The following MAP2 variants were observed in gnomAD, a reference collection of about 807,000 sequenced individuals.
MAP2 encodes the protein microtubule-associated protein 2.
Under a neutral mutation model 137.6 loss-of-function variants are expected in MAP2, and 14 were observed. The ratio of observed to expected loss-of-function variants is 0.10; its 90% confidence interval spans 0.07 to 0.16. The LOEUF (loss-of-function observed/expected upper bound fraction) is 0.16, where lower values mean the gene tolerates loss of function less well. Ranked by LOEUF, MAP2 falls within the 10% of genes least tolerant of loss-of-function variation. MAP2 has a pLI of 1.00. For synonymous variants in MAP2, 786 were observed against 782.3 expected (o/e 1.00, Z -0.08); for missense variants, 2,088 against 2,191.5 (o/e 0.95, Z 0.94).
rs536882442 is a variant in MAP2, at chr2:209,720,881, A to G, written c.5074-4828A>G. On this transcript the variant is annotated intron_variant, in intron 13 of 15. Transcript: ENST00000682079. ...TTTCTAAAACTGAAAATCCCTTCCCAAAGAAATAAATATTTATTTAGATTT... is the reference window on the plus strand; with the variant it reads ...TTTCTAAAACTGAAAATCCCTTCCCGAAGAAATAAATATTTATTTAGATTT... Among the ~76,000 whole-genome samples, 8 of 152,182 alleles carry G rather than the reference A, an allele frequency of 5.3e-5. No individual in the cohort carries two copies. In the South Asian group the frequency reaches 1.7e-3, roughly 32 times the overall value.
chr2:209,688,632 T>C (rs960878860), intron 7 of MAP2, among the ~76,000 whole-genome samples: 11 of 152,160 alleles, frequency 7.2e-5, no homozygotes, highest in Non-Finnish European at 1.5e-4. Flanking sequence ...ATTCTAGCCT[T>C]ATAAAGCTGG....
intron 4 of MAP2, among the ~76,000 whole-genome samples, chr2:209,628,968 G>C (rs758828305): frequency 1.3e-5 from 2 of 152,158 alleles, no homozygotes; most frequent in Non-Finnish European, 2.9e-5. Context: ...GATTCCTTTG[G>C]TTTGTTTCAA....
At chr2:209,557,843 A>G (rs1182181298) in intron 2 of MAP2, among the ~76,000 whole-genome samples, 2 of 152,202 alleles carry the variant, frequency 1.3e-5, no homozygotes, top group Admixed American at 1.3e-4. Context: ...AATTCGGCTT[A>G]TCCTCCTCTG....
chr2:209,679,627 A>G (rs1004068591), intron 6 of MAP2, among the ~76,000 whole-genome samples: 2 of 152,090 alleles, frequency 1.3e-5, no homozygotes, highest in Non-Finnish European at 1.5e-5. Flanking sequence ...GTCTATTAAA[A>G]AGTAAGTAAT....
chr2:209,565,332 C>T (rs919993454), intron 2 of MAP2, among the ~76,000 whole-genome samples: 1 of 151,986 alleles, frequency 6.6e-6, no homozygotes, highest in Admixed American at 6.6e-5. Flanking sequence ...ATCCTTTCAC[C>T]TCAGCCTCTC....
chr2:209,687,666 T>G (rs967918569), intron 7 of MAP2, among the ~76,000 whole-genome samples: 4 of 152,110 alleles, frequency 2.6e-5, no homozygotes, highest in African/African-American at 9.7e-5. Context: ...TCTGATCTTG[T>G]GTCTGTGTTG....
chr2:209,425,357 A>G (rs569556454), intron 1 of MAP2, among the ~76,000 whole-genome samples: 4 of 152,332 alleles, frequency 2.6e-5, no homozygotes, highest in Non-Finnish European at 5.9e-5. Flanking sequence ...ACACACAAGT[A>G]TGCACACAAA....
intron 1 of MAP2, among the ~76,000 whole-genome samples, chr2:209,505,876 G>T (rs71420757): frequency 1.3e-5 from 2 of 151,994 alleles, no homozygotes; most frequent in Non-Finnish European, 2.9e-5. Flanking sequence ...GGAGGCTGAG[G>T]TGGGAGGACC....
intron 1 of MAP2, among the ~76,000 whole-genome samples, chr2:209,428,062 T>C (rs981755334): frequency 1.3e-5 from 2 of 152,228 alleles, no homozygotes; most frequent in South Asian, 2.1e-4. Context: ...AGTATGTTTA[T>C]TGGAAGGAGT....
Position 209,588,120 on chromosome 2 carries a change from A to G in MAP2, c.-107+8020A>G, listed in dbSNP as rs762377390. On this transcript the variant is annotated intron_variant, in intron 3 of 15. Coordinates refer to ENST00000682079, the MANE Select transcript of MAP2 (RefSeq NM_001375505.1). ...ATGAGTGTTGTACATGGGTGTGTGT[A>G]TGTGTCAGTCTACTCTTTCCATAAT... is the stretch of plus-strand genomic sequence containing the variant. 6.2e-4 allele frequency among the ~76,000 whole-genome samples: 94 copies of G among 152,264 alleles called. 1 individual carries two copies. The highest frequency in any genetic ancestry group is 1.3e-4 in the Non-Finnish European group (9 of 68,010).
chr2:209,682,532 A>T (rs2055100080), intron 7 of MAP2, among the ~76,000 whole-genome samples: 1 of 152,114 alleles, frequency 6.6e-6, no homozygotes, highest in Admixed American at 6.6e-5. Context: ...GGAGAACAGA[A>T]ATCCAATAAA....
At position 209,596,050 on chromosome 2, in the gene MAP2, C is replaced by T. The variant is rs547888625; in HGVS notation, c.-107+15950C>T. Among the ~76,000 whole-genome samples, 5 of 152,066 alleles carry T rather than the reference C, an allele frequency of 3.3e-5. No individual in the cohort carries two copies. The South Asian group carries it at 1.0e-3, about 32-fold the overall frequency. On this transcript the variant is annotated intron_variant, in intron 3 of 15. Transcript: ENST00000682079. ...AGCAAACCAACACGGCACATGTATA[C>T]CTATGTAACAAACCTACACGTTGTG...
At chr2:209,677,346 G>A (rs967962261) in intron 5 of MAP2, among the ~76,000 whole-genome samples, 6 of 151,786 alleles carry the variant, frequency 4.0e-5, no homozygotes, top group African/African-American at 1.5e-4. Context: ...AGATATATAG[G>A]TAGGTAGGCA....
chr2:209,614,762 G>C (rs1384305626), intron 3 of MAP2, among the ~76,000 whole-genome samples: 1 of 152,256 alleles, frequency 6.6e-6, no homozygotes, highest in South Asian at 2.1e-4. Flanking sequence ...TATCACAGAA[G>C]GGGGAGGGGA....
rs150544735 is a variant in MAP2 at position 209,559,824 on chromosome 2, A to AT, written c.-171-20203dup. On this transcript the variant is annotated intron_variant, in intron 2 of 15. Coordinates refer to ENST00000682079, the MANE Select transcript of MAP2 (RefSeq NM_001375505.1). ...CTGTGCCAGTCCTGGAGTCAGCCAC[A>AT]TTTTTTTTTCAAGGACTTCTTGTTC... Among the ~76,000 whole-genome samples, 24 of 149,254 alleles carry AT rather than the reference A, an allele frequency of 1.6e-4. No homozygotes were observed. The South Asian group carries it at 2.4e-3, about 15-fold the overall frequency.
intron 2 of MAP2, among the ~76,000 whole-genome samples, chr2:209,563,026 T>C (rs979241504): frequency 5.9e-5 from 9 of 152,174 alleles, no homozygotes; most frequent in African/African-American, 2.2e-4. Flanking sequence ...ACATTACTTA[T>C]GTGAATGTGC....
Position 209,494,842 on chromosome 2 carries a change from T to A in MAP2, c.-221-12750T>A, listed in dbSNP as rs555345251. On this transcript the variant is annotated intron_variant, in intron 1 of 15. Transcript: ENST00000682079. ...CATTTCAAAAATTTATCATTGGTTT[T>A]CAGGTTTCTTCAAAGCATGTTTTCC... Among the ~76,000 whole-genome samples the A allele has an allele frequency of 4.2e-4, 64 of 152,360 alleles. 1 individual carries two copies. The highest frequency in any genetic ancestry group is 6.2e-4 in the Non-Finnish European group (42 of 68,022).
At chr2:209,496,597 C>T (rs1457575874) in intron 1 of MAP2, among the ~76,000 whole-genome samples, 1 of 152,110 alleles carries the variant, frequency 6.6e-6, no homozygotes, top group Non-Finnish European at 1.5e-5. Context: ...CTGATGAATA[C>T]CTTTCCTTTA....
At chr2:209,528,964 TC>T (rs2064660012) in intron 2 of MAP2, among the ~76,000 whole-genome samples, 1 of 151,740 alleles carries the variant, frequency 6.6e-6, no homozygotes, top group Admixed American at 6.6e-5. Flanking sequence ...ATATCCTCAA[TC>T]ATTTTTTCAC....
Sources: allele counts gnomAD v4.1 joint callset (sites outside exome capture counted in the v4.1 genomes callset), GRCh38; gene constraint gnomAD v4.1.1; transcripts MANE v1.5; gene names NCBI Gene and HGNC (gene_info 2026-07-23, HGNC 2026-07-21).